ANKRD30A: variants seen among roughly 807,000 people sequenced by gnomAD.
The protein encoded by ANKRD30A is ankyrin repeat domain-containing protein 30A.
Under a neutral mutation model 166.3 loss-of-function variants are expected in ANKRD30A, and 170 were observed. The ratio of observed to expected loss-of-function variants is 1.02; its 90% CI spans 0.90 to 1.16. The LOEUF (loss-of-function observed/expected upper bound fraction) is 1.16, where lower values mean the gene tolerates loss of function less well. Ranked by LOEUF, ANKRD30A falls within the 50% of genes most tolerant of loss-of-function variation. The pLI is 0.00. For synonymous variants in ANKRD30A, 564 were observed against 508.9 expected (o/e 1.11, Z -1.46); for missense variants, 1,630 against 1,518.0 (o/e 1.07, Z -1.23).
chr10:37,167,287 A>T (rs1352226153), intron 19 of ANKRD30A, among the ~76,000 whole-genome samples: 4 of 126,706 alleles, frequency 3.2e-5, no homozygotes, highest in African/African-American at 1.4e-4. Context: ...TGAGGCGTCA[A>T]ATATATATAT....
chr10:37,264,910 A>G, the ANKRD30A span, among the ~76,000 whole-genome samples: 2 of 152,198 alleles, frequency 1.3e-5, no homozygotes, highest in Non-Finnish European at 2.9e-5. Context: ...CATTTTCATA[A>G]TAAATTATGT....
intron 19 of ANKRD30A, among the ~76,000 whole-genome samples, chr10:37,167,794 T>G (rs1443173849): frequency 6.7e-6 from 1 of 149,908 alleles, no homozygotes; most frequent in African/African-American, 2.5e-5. Context: ...TCCAAGCTGA[T>G]CAATTCATAA....
At chr10:37,211,983 A>AG (rs1842348385) in intron 31 of ANKRD30A, among the ~76,000 whole-genome samples, 3 of 151,698 alleles carry the variant, frequency 2.0e-5, no homozygotes, top group African/African-American at 7.3e-5. Context: ...ATGGTTCACC[A>AG]CTCCTATTCA....
chr10:37,143,669 AT>A, intron 7 of ANKRD30A, among the ~76,000 whole-genome samples: 1 of 152,276 alleles, frequency 6.6e-6, no homozygotes, highest in East Asian at 1.9e-4. Context: ...AGAAAAAAAA[AT>A]GTTAGGCCAT....
At position 37,149,837 on chromosome 10, in the gene ANKRD30A, A is replaced by C. The variant is rs1325971447; in HGVS notation, c.1633A>C (p.Thr545Pro). The C allele has an allele frequency of 1.2e-6, 2 of 1,612,632 alleles. No homozygotes were observed. Among genetic ancestry groups the C allele is most frequent in the African/African-American group, 2.7e-5 (2 of 74,868 alleles). ...NKAFELKNEQ[T>P]LRADPMFPPE... is the part of the protein sequence containing the mutation. ...AGCCTTTGAATTGAAGAATGAACAA[A>C]CATTGAGAGCAGGTAAATTTTTCAA... Residue 545 changes from threonine to proline, a missense_variant, in exon 11 of 36, where the codon ACA (threonine) becomes CCA (proline). Physicochemically the swap from Thr to Pro is conservative, Grantham distance 38. Around this residue, in one of 4 missense-constraint regions of ANKRD30A, gnomAD observed 904 missense variants for 818.5 expected, o/e 1.10. Transcript: ENST00000361713.
At chr10:37,204,187 C>T (rs1481824538) in intron 31 of ANKRD30A, among the ~76,000 whole-genome samples, 4 of 152,156 alleles carry the variant, frequency 2.6e-5, no homozygotes, top group Non-Finnish European at 4.4e-5. Context: ...CAAGACGATC[C>T]TAAGCCAAAA....
chr10:37,223,864 A>G (rs58756911), intron 34 of ANKRD30A, among the ~76,000 whole-genome samples: 16 of 151,138 alleles, frequency 1.1e-4, no homozygotes, highest in African/African-American at 3.9e-4. Context: ...TATTGACTTA[A>G]TGCAATCTCT....
chr10:37,196,822 C>G (rs985567263), intron 27 of ANKRD30A, among the ~76,000 whole-genome samples: 1 of 152,010 alleles, frequency 6.6e-6, no homozygotes, highest in African/African-American at 2.4e-5. Flanking sequence ...AGTGTATATC[C>G]AAGCTGATCA....
chr10:37,155,811 G>T (rs548427391), intron 13 of ANKRD30A, among the ~76,000 whole-genome samples: 1 of 152,256 alleles, frequency 6.6e-6, no homozygotes, highest in Admixed American at 6.5e-5. Context: ...GCCAGTCGTG[G>T]TGGCTCACGC....
At chr10:37,258,911 C>T in the ANKRD30A span, among the ~76,000 whole-genome samples, 26 of 137,350 alleles carry the variant, frequency 1.9e-4, no homozygotes, top group Admixed American at 1.9e-3. Flanking sequence ...TGCAGTGAGC[C>T]GAGATTGTGC....
rs922732889 is a variant in ANKRD30A at position 37,200,921 on chromosome 10, C to T, written c.2779-314C>T. ...ATGTCATATTTATTGTTGTTGAGGA[C>T]GACAACATGTTAGATATTTTTAAGA... On this transcript the variant is annotated intron_variant, in intron 30 of 35. Transcript: ENST00000361713. Among the ~76,000 whole-genome samples the T allele has an allele frequency of 6.6e-5, 10 of 151,840 alleles. No individual in the cohort carries two copies. In the East Asian group the frequency reaches 7.7e-4, roughly 12 times the overall value.
chr10:37,135,445 A>G (rs1328864163), intron 5 of ANKRD30A: 1 of 152,254 alleles, frequency 6.6e-6, no homozygotes, highest in Admixed American at 6.5e-5. Context: ...TGTGATTTTC[A>G]TACAAAAAAT....
At chr10:37,183,875 G>T (rs1272381051) in intron 24 of ANKRD30A, among the ~76,000 whole-genome samples, 1 of 148,666 alleles carries the variant, frequency 6.7e-6, no homozygotes, top group African/African-American at 2.5e-5. Context: ...GTGACCGGGT[G>T]CGGTGGCTCA....
chr10:37,203,592 C>G (rs911986009), intron 31 of ANKRD30A, among the ~76,000 whole-genome samples: 3 of 152,186 alleles, frequency 2.0e-5, no homozygotes, highest in African/African-American at 7.2e-5. Flanking sequence ...GGGATGCCCT[C>G]TCTCACCACT....
At chr10:37,255,482 A>C in the ANKRD30A span, among the ~76,000 whole-genome samples, 910 of 152,348 alleles carry the variant, frequency 6.0e-3, 6 homozygotes, top group Middle Eastern at 0.024. Flanking sequence ...TGGTAAAAGC[A>C]TATGTAATAA....
At chr10:37,143,311 A>T (rs1182939258) in intron 7 of ANKRD30A, among the ~76,000 whole-genome samples, 4 of 152,178 alleles carry the variant, frequency 2.6e-5, no homozygotes, top group Non-Finnish European at 4.4e-5. Flanking sequence ...CATACTGGTT[A>T]TGGTATAAGG....
chr10:37,126,485 T>C (rs1836020839), intron 1 of ANKRD30A, among the ~76,000 whole-genome samples: 1 of 152,202 alleles, frequency 6.6e-6, no homozygotes, highest in African/African-American at 2.4e-5. Flanking sequence ...TTGATATCAA[T>C]GAATGTCTAT....
In ANKRD30A at chr10:37,199,183, A is replaced by G. The variant is rs1260332304; in HGVS notation, c.2717-544A>G. ...GCTTATCTTCCTAAAACATATACAT[A>G]CCCAAACCACACCCAATACACTGTC... On this transcript the variant is annotated intron_variant, in intron 29 of 35. Coordinates refer to ENST00000361713, the MANE Select transcript of ANKRD30A (RefSeq NM_052997.3). Among the ~76,000 whole-genome samples, 4 of 152,082 alleles carry G rather than the reference A, an allele frequency of 2.6e-5. No individual in the cohort carries two copies. In the South Asian group the frequency reaches 6.2e-4, roughly 24 times the overall value.
intron 9 of ANKRD30A, among the ~76,000 whole-genome samples, chr10:37,149,408 A>G (rs1343384163): frequency 6.6e-6 from 1 of 152,054 alleles, no homozygotes; most frequent in Non-Finnish European, 1.5e-5. Flanking sequence ...CCCTTTTTAC[A>G]CGTGAAACAC....
Sources: allele counts gnomAD v4.1 joint callset (sites outside exome capture counted in the v4.1 genomes callset), GRCh38; gene constraint gnomAD v4.1.1; regional missense constraint gnomAD v4.1.1; transcripts MANE v1.5; gene names NCBI Gene and HGNC (gene_info 2026-07-23, HGNC 2026-07-21).